The following DLGAP1 variants were observed in gnomAD, a reference collection of about 807,000 sequenced individuals.
DLGAP1 encodes DLG associated protein 1.
DLGAP1 carries 11 observed loss-of-function variants against 90.8 expected under a neutral mutation model. The ratio of observed to expected loss-of-function variants is 0.12; its 90% CI spans 0.08 to 0.20. The LOEUF (loss-of-function observed/expected upper bound fraction) is 0.20. Ranked by LOEUF, DLGAP1 falls within the 10% of genes least tolerant of loss-of-function variation. The probability of loss-of-function intolerance (pLI) is 1.00; values close to 1 mark genes in which losing one functional copy is unlikely to be tolerated. For synonymous variants in DLGAP1, 558 were observed against 540.7 expected, an observed-to-expected ratio of 1.03 and a Z score of -0.44; for missense variants, 1,050 against 1,333.8, an observed-to-expected ratio of 0.79 and a Z score of 3.31.
At position 4,068,807 on chromosome 18, in the gene DLGAP1, G is replaced by C. The variant is rs1270715160; in HGVS notation, c.-158-63606C>G. Among the ~76,000 whole-genome samples the C allele has an allele frequency of 2.0e-5, 3 of 152,110 alleles. No homozygotes were observed. The East Asian group carries it at 5.8e-4, about 29-fold the overall frequency. ...CAAATGTGTAAAAGCCAGGAACTGGGGAGCACCTTAGAAAACATCCAATCC... is the reference window on the plus strand; with the variant it reads ...CAAATGTGTAAAAGCCAGGAACTGGCGAGCACCTTAGAAAACATCCAATCC... On this transcript the variant is annotated intron_variant, in intron 2 of 12. Coordinates refer to ENST00000315677, the MANE Select transcript of DLGAP1 (RefSeq NM_004746.4).
At chr18:3,967,769 A>G (rs113525657) in intron 3 of DLGAP1, among the ~76,000 whole-genome samples, 109 of 152,288 alleles carry the variant, frequency 7.2e-4, no homozygotes, top group African/African-American at 2.4e-3. Context: ...ATGTGGAGCT[A>G]TTTTTAAAAA....
intron 1 of DLGAP1, among the ~76,000 whole-genome samples, chr18:4,431,888 G>A (rs1040958222): frequency 6.6e-6 from 1 of 152,154 alleles, no homozygotes; most frequent in Non-Finnish European, 1.5e-5. Context: ...ATAACTTGTT[G>A]AGAACAGTGC....
At chr18:3,676,498 C>T (rs933422152) in intron 7 of DLGAP1, among the ~76,000 whole-genome samples, 2 of 152,064 alleles carry the variant, frequency 1.3e-5, no homozygotes, top group South Asian at 2.1e-4. Flanking sequence ...TTTCCTGCCG[C>T]GAGATGACAA....
chr18:3,764,351 C>G (rs1424281991), intron 5 of DLGAP1, among the ~76,000 whole-genome samples: 2 of 152,188 alleles, frequency 1.3e-5, no homozygotes, highest in Admixed American at 1.3e-4. Context: ...CCTTTGGTAA[C>G]ACCAGTGATC....
intron 9 of DLGAP1, among the ~76,000 whole-genome samples, chr18:3,547,787 T>G (rs2053147868): frequency 6.6e-6 from 1 of 152,212 alleles, no homozygotes; most frequent in Admixed American, 6.5e-5. Flanking sequence ...TGTACATGAA[T>G]GTTCATAGCA....
chr18:3,921,897 A>C (rs1250580564), intron 3 of DLGAP1, among the ~76,000 whole-genome samples: 1 of 152,176 alleles, frequency 6.6e-6, no homozygotes, highest in African/African-American at 2.4e-5. Context: ...GACGACCAGC[A>C]CACAGTTAGA....
chr18:4,115,388 T>C (rs2076044324), intron 2 of DLGAP1, among the ~76,000 whole-genome samples: 2 of 152,156 alleles, frequency 1.3e-5, no homozygotes, highest in South Asian at 4.1e-4. Context: ...AGTACGTATT[T>C]ATATAGTTTG....
intron 1 of DLGAP1, among the ~76,000 whole-genome samples, chr18:4,390,623 C>T (rs565840485): frequency 6.6e-6 from 1 of 152,292 alleles, no homozygotes; most frequent in African/African-American, 2.4e-5. Flanking sequence ...TCATACAGTA[C>T]ATAGGCTTTT....
chr18:3,722,790 T>C (rs1017534052), intron 7 of DLGAP1, among the ~76,000 whole-genome samples: 2 of 152,212 alleles, frequency 1.3e-5, no homozygotes, highest in African/African-American at 4.8e-5. Context: ...CAGAAAGAAC[T>C]GAGCTTTCCC....
intron 3 of DLGAP1, among the ~76,000 whole-genome samples, chr18:3,990,166 A>C (rs1169412684): frequency 6.6e-6 from 1 of 152,044 alleles, no homozygotes; most frequent in Admixed American, 6.5e-5. Flanking sequence ...TCATGCTGCT[A>C]TAAAGACACA....
At chr18:3,689,092 C>T (rs946705497) in intron 7 of DLGAP1, among the ~76,000 whole-genome samples, 1 of 152,156 alleles carries the variant, frequency 6.6e-6, no homozygotes, top group Non-Finnish European at 1.5e-5. Context: ...AATGTTTTTG[C>T]ACACTAAAGC....
intron 2 of DLGAP1, among the ~76,000 whole-genome samples, chr18:4,083,183 G>C (rs188278529): frequency 1.2e-4 from 18 of 152,300 alleles, no homozygotes; most frequent in Admixed American, 9.8e-4. Flanking sequence ...CCACATAAGT[G>C]TTTGTAAGGA....
chr18:3,732,700 C>T (rs1047375069), intron 6 of DLGAP1, among the ~76,000 whole-genome samples: 2 of 151,988 alleles, frequency 1.3e-5, no homozygotes, highest in Non-Finnish European at 2.9e-5. Flanking sequence ...GTCTTTTTGA[C>T]ATGAAAGTAG....
At chr18:3,782,379 C>T (rs1176867014) in intron 5 of DLGAP1, among the ~76,000 whole-genome samples, 3 of 152,266 alleles carry the variant, frequency 2.0e-5, no homozygotes, top group Non-Finnish European at 2.9e-5. Context: ...TCAAGTGATC[C>T]GCCTGTCTTG....
At chr18:4,200,720 C>T in intron 1 of DLGAP1, among the ~76,000 whole-genome samples, 1 of 151,988 alleles carries the variant, frequency 6.6e-6, no homozygotes, top group Non-Finnish European at 1.5e-5. Context: ...TATTTTAAGA[C>T]AAATGCCACC....
At chr18:4,268,678 A>T (rs2079185990) in intron 1 of DLGAP1, among the ~76,000 whole-genome samples, 1 of 152,208 alleles carries the variant, frequency 6.6e-6, no homozygotes, top group South Asian at 2.1e-4. Context: ...ATTATTTTAC[A>T]TATTAAATAT....
intron 9 of DLGAP1, among the ~76,000 whole-genome samples, chr18:3,544,218 G>A (rs1484240669): frequency 6.6e-6 from 1 of 152,082 alleles, no homozygotes; most frequent in Non-Finnish European, 1.5e-5. Context: ...GGCGAAACCT[G>A]TCTCTACTAA....
intron 2 of DLGAP1, among the ~76,000 whole-genome samples, chr18:4,031,601 G>A (rs986079751): frequency 6.6e-6 from 1 of 152,136 alleles, no homozygotes; most frequent in African/African-American, 2.4e-5. Flanking sequence ...AAACCACAGG[G>A]GTGGCTGGGT....
chr18:3,757,096 C>T (rs1473698464), intron 5 of DLGAP1, among the ~76,000 whole-genome samples: 1 of 152,098 alleles, frequency 6.6e-6, no homozygotes, highest in Non-Finnish European at 1.5e-5. Context: ...AGTAGTATCA[C>T]CCTGAGATCA....
Sources: gnomAD v4.1 joint callset for allele counts (sites outside exome capture counted in the v4.1 genomes callset) on GRCh38, gnomAD v4.1.1 for gene constraint, MANE v1.5 for transcripts, NCBI Gene and HGNC (gene_info 2026-07-23, HGNC 2026-07-21) for gene names.